The following GSE1 variants were observed in gnomAD, a reference collection of about 807,000 sequenced individuals.
GSE1 encodes Gse1 coiled-coil protein.
In GSE1, 32 loss-of-function variants were observed where a neutral mutation model predicts 112.6. The observed-to-expected ratio is 0.28, with a 90% confidence interval of 0.21 to 0.38. The LOEUF is 0.38. GSE1 is among the 10% of genes least tolerant of loss of function. GSE1 has a pLI of 1.00. For missense variants in GSE1, 2,348 were observed against 1,699.2 expected (o/e 1.38, Z -6.71); for synonymous variants, 1,115 against 735.6 (o/e 1.52, Z -8.35).
At chr16:85,614,294 T>C (rs1006758072) in intron 1 of GSE1, among the ~76,000 whole-genome samples, 1 of 152,038 alleles carries the variant, frequency 6.6e-6, no homozygotes, top group African/African-American at 2.4e-5. Flanking sequence ...GATTCAATTA[T>C]ATTGCAGCAC....
chr16:85,482,151 C>T (rs960124204), intron 2 of GSE1, among the ~76,000 whole-genome samples: 6 of 152,220 alleles, frequency 3.9e-5, no homozygotes, highest in African/African-American at 1.4e-4. Context: ...GCATGATGCT[C>T]AGTGTCTCCA....
rs758079068 is a variant in GSE1, at chr16:85,261,954, T to C, written c.2283+90147T>C. Among the ~76,000 whole-genome samples the C allele has an allele frequency of 7.9e-5, 12 of 152,254 alleles. 1 individual carries two copies. In the Middle Eastern group the frequency reaches 0.01, roughly 129 times the overall value. ...GTATTTTCTCATAGGCTCTCCCCCA[T>C]GCCTTATGTCGGGATGTTTGTCTCC... On this transcript the variant is annotated intron_variant, in intron 1 of 2. Coordinates refer to the GSE1 transcript ENST00000637419.
Position 85,613,343 on chromosome 16 carries a change from A to G in GSE1, c.-49A>G, listed in dbSNP as rs781295094. 13 of 1,562,560 alleles carry G rather than the reference A, an allele frequency of 8.3e-6. No homozygotes were observed. On this transcript the variant is annotated 5_prime_UTR_variant, in exon 1 of 16. Coordinates refer to ENST00000253458, the MANE Select transcript of GSE1 (RefSeq NM_014615.5). Reference sequence around the variant, plus strand: ...AAGCAGTTTAGACAAACACTGGGCGACGGTGGCTCCAGCATGTATCAGCCG... The same window carrying G: ...AAGCAGTTTAGACAAACACTGGGCGGCGGTGGCTCCAGCATGTATCAGCCG...
At chr16:85,201,884 C>T (rs2075035452) in intron 1 of GSE1, among the ~76,000 whole-genome samples, 1 of 152,196 alleles carries the variant, frequency 6.6e-6, no homozygotes, top group Admixed American at 6.5e-5. Flanking sequence ...TCAGGGCCTC[C>T]TGGATTTCAG....
intron 1 of GSE1, among the ~76,000 whole-genome samples, chr16:85,236,281 C>T (rs1904655734): frequency 6.6e-6 from 1 of 152,166 alleles, no homozygotes; most frequent in Non-Finnish European, 1.5e-5. Flanking sequence ...CCCCGTGGTG[C>T]GAGCTGTGGC....
At chr16:85,461,087 G>A (rs2049955396) in intron 2 of GSE1, among the ~76,000 whole-genome samples, 1 of 152,340 alleles carries the variant, frequency 6.6e-6, no homozygotes, top group East Asian at 1.9e-4. Flanking sequence ...CACCTGCTTC[G>A]GGCAAGCCCT....
At chr16:85,248,197 G>T (rs1469618889) in intron 1 of GSE1, among the ~76,000 whole-genome samples, 1 of 152,150 alleles carries the variant, frequency 6.6e-6, no homozygotes. Context: ...CCAGATCCCT[G>T]TACCCCTCAG....
intron 2 of GSE1, among the ~76,000 whole-genome samples, chr16:85,496,209 G>T (rs1282517773): frequency 1.3e-5 from 2 of 152,200 alleles, no homozygotes; most frequent in Non-Finnish European, 2.9e-5. Flanking sequence ...GCAGCCAATG[G>T]CAATTCCCAG....
intron 2 of GSE1, among the ~76,000 whole-genome samples, chr16:85,388,575 A>G (rs1392547881): frequency 2.3e-4 from 23 of 100,796 alleles, no homozygotes; most frequent in Middle Eastern, 7.7e-3. Context: ...TAGATGGGTG[A>G]GTGGATGGGT....
In GSE1 at chr16:85,224,301, C is replaced by CAAAAAAAAAAAAAA. The variant is rs55755242; in HGVS notation, c.2283+52511_2283+52524dup. Among the ~76,000 whole-genome samples, 9 of 38,800 alleles carry CAAAAAAAAAAAAAA rather than the reference C, an allele frequency of 2.3e-4. 1 individual carries two copies. Among genetic ancestry groups the CAAAAAAAAAAAAAA allele is most frequent in the African/African-American group, 4.3e-4 (4 of 9,212 alleles). 25.5% of individuals were successfully genotyped at this position (38,800 alleles called of 152,430 possible). On this transcript the variant is annotated intron_variant, in intron 1 of 2. Coordinates refer to the GSE1 transcript ENST00000637419. The stretch of plus-strand genomic sequence containing the variant: ...TGAAACCCTATCTCTACTAAAAATA[C>CAAAAAAAAAAAAAA]AAAAAAAAAAAAAAAAAAAAAAAAA...
At chr16:85,309,142 C>T (rs927291607) in intron 1 of GSE1, among the ~76,000 whole-genome samples, 7 of 151,636 alleles carry the variant, frequency 4.6e-5, no homozygotes, top group Non-Finnish European at 5.9e-5. Context: ...CGACCCAGGC[C>T]GCCCACAGGA....
rs115830618 is a variant in GSE1 at position 85,205,898 on chromosome 16, C to T, written c.2283+34091C>T. On this transcript the variant is annotated intron_variant, in intron 1 of 2. Coordinates refer to the GSE1 transcript ENST00000637419. ...CATTTAACAAGTACTTACTGAGTGCCGTCACGTGCCTGCAAGACAGAAACG... is the reference window on the plus strand; with the variant it reads ...CATTTAACAAGTACTTACTGAGTGCTGTCACGTGCCTGCAAGACAGAAACG... Among the ~76,000 whole-genome samples, 939 of 152,316 alleles carry T rather than the reference C, an allele frequency of 6.2e-3. 16 individuals are homozygous for T. The highest frequency in any genetic ancestry group is 0.022 in the African/African-American group (898 of 41,558).
At chr16:85,495,437 ATT>A (rs2051141443) in intron 2 of GSE1, among the ~76,000 whole-genome samples, 3 of 48,906 alleles carry the variant, frequency 6.1e-5, no homozygotes, top group African/African-American at 2.4e-4. Context: ...CATTTTATTT[ATT>A]TATTTATTTA....
At chr16:85,631,085 G>C (rs779792113) in intron 1 of GSE1, among the ~76,000 whole-genome samples, 33 of 152,226 alleles carry the variant, frequency 2.2e-4, no homozygotes, top group Admixed American at 3.9e-4. Context: ...ACCCTCCTGA[G>C]TGCCTCGTTG....
chr16:85,397,359 C>A (rs552668871), intron 2 of GSE1, among the ~76,000 whole-genome samples: 1 of 152,252 alleles, frequency 6.6e-6, no homozygotes, highest in Non-Finnish European at 1.5e-5. Flanking sequence ...AGTGTCTACT[C>A]GCTGATGCAG....
chr16:85,653,964 C>A (rs563845492), intron 3 of GSE1, among the ~76,000 whole-genome samples: 1 of 152,146 alleles, frequency 6.6e-6, no homozygotes, highest in Non-Finnish European at 1.5e-5. Context: ...GCCCCTGCCA[C>A]CCTGCATCCT....
intron 1 of GSE1, among the ~76,000 whole-genome samples, chr16:85,345,927 A>T (rs1477297989): frequency 6.6e-6 from 1 of 151,636 alleles, no homozygotes; most frequent in African/African-American, 2.4e-5. Flanking sequence ...GGATGACTGG[A>T]TGGACAGATA....
Position 85,422,081 on chromosome 16 carries a change from C to A in GSE1, c.2464+64438C>A, listed in dbSNP as rs147737030. Among the ~76,000 whole-genome samples, 722 of 152,274 alleles carry A rather than the reference C, an allele frequency of 4.7e-3. 7 individuals carry two copies. Among genetic ancestry groups the A allele is most frequent in the African/African-American group, 0.013 (522 of 41,554 alleles). On this transcript the variant is annotated intron_variant, in intron 2 of 2. Transcript: ENST00000637419. ...GGAACAGCCCAGCATGGAAAAGCTG[C>A]ACCTCTGACCCAGGCAGGCCATCAT...
intron 1 of GSE1, among the ~76,000 whole-genome samples, chr16:85,252,760 C>T (rs545818152): frequency 7.9e-5 from 12 of 152,364 alleles, no homozygotes; most frequent in African/African-American, 2.6e-4. Context: ...CCCCATTCAC[C>T]TGCCCCGAGT....
Sources: gnomAD v4.1 joint callset for allele counts (sites outside exome capture counted in the v4.1 genomes callset) on GRCh38, gnomAD v4.1.1 for gene constraint, MANE v1.5 for transcripts, NCBI Gene and HGNC (gene_info 2026-07-23, HGNC 2026-07-21) for gene names.